Variants in TEP1 observed in about 807,000 individuals in gnomAD.
TEP1 encodes telomerase associated protein 1, also known as telomerase protein component 1.
Under a neutral mutation model 306.3 loss-of-function variants are expected in TEP1, and 241 were observed. That is an observed-to-expected ratio of 0.79 (90% confidence interval 0.71 to 0.88). The LOEUF is 0.88. Ranked by LOEUF, TEP1 falls within the 40% of genes least tolerant of loss-of-function variation. The pLI is 0.00. For missense variants in TEP1, 3,051 were observed against 3,276.1 expected (o/e 0.93, Z 1.68); for synonymous variants, 1,289 against 1,305.5 (o/e 0.99, Z 0.27).
At chr14:20,382,411 G>A in intron 28 of TEP1, 55 bp from the exon 29 acceptor site, 2 of 1,569,468 alleles carry the variant, frequency 1.3e-6, no homozygotes, top group Admixed American at 3.6e-5. Flanking sequence ...AAGCAGCTTG[G>A]CTTGTGGGAT....
Position 20,391,630 on chromosome 14 carries a change from T to C in TEP1, c.2066A>G (p.Asp689Gly). 1 of 1,614,118 alleles carries C rather than the reference T, an allele frequency of 6.2e-7. No individual in the cohort carries two copies. Among genetic ancestry groups the C allele is most frequent in the Non-Finnish European group, 8.5e-7 (1 of 1,179,996 alleles). ...TGGGTTGCTCTTTGGACAGAGCCTG[T>C]CTGCATTAGCATCTGTCAGATAGAC... ...VLVYLTDANA[D>G]RLCPKSNPQG... is the part of the protein sequence containing the mutation. The change falls in exon 13 of 55, where the codon GAC (aspartate) becomes GGC (glycine). Residue 689 changes from aspartate (D) to glycine (G), a missense_variant. By Grantham distance (94) the Asp-to-Gly change is moderately conservative. Transcript: ENST00000262715.
Position 20,381,243 on chromosome 14 carries a change from G to T in TEP1, c.4647+70C>A. The T allele has an allele frequency of 6.7e-7, 1 of 1,483,646 alleles. No homozygotes were observed. Among genetic ancestry groups the T allele is most frequent in the Non-Finnish European group, 9.4e-7 (1 of 1,061,800 alleles). 91.9% of individuals were successfully genotyped at this position (1,483,646 alleles called of 1,614,324 possible). A position where few individuals can be genotyped will look rare whatever the true frequency, so the allele number is the denominator to read the frequency against. The stretch of plus-strand genomic sequence containing the variant: ...CGGCGGTGATGGTGGAGATGGTAAC[G>T]GGGAGAGGGGTCTCAGAGCAACCAA... On this transcript the variant is annotated intron_variant, in intron 32 of 54. Coordinates refer to ENST00000262715, the MANE Select transcript of TEP1 (RefSeq NM_007110.5). This position sits in a 1 kb window ranked among gnomAD's most constrained non-coding sequence, Gnocchi z 4.0.
chr14:20,375,052 C>T lies in TEP1; in HGVS notation c.6364-516G>A, dbSNP rs899887768. ...ATTGCAGTGAGCAGAGATTGCGCCA[C>T]TGCACTCCAGCCTGGGCAACAAGAA... On this transcript the variant is annotated intron_variant, in intron 43 of 54. Transcript: ENST00000262715. Among the ~76,000 whole-genome samples the T allele has an allele frequency of 2.0e-5, 3 of 147,270 alleles. No homozygotes were observed. In the Admixed American group the frequency reaches 2.1e-4, roughly 10 times the overall value.
Position 20,389,175 on chromosome 14 carries a change from A to G in TEP1, c.2525+63T>C, listed in dbSNP as rs1877487050. Reference sequence around the variant, plus strand: ...AAAAAAAAAAAAGTGACTGGAGTAGAGATAATCTCCTAAAAACTTTCCAAC... The same window carrying G: ...AAAAAAAAAAAAGTGACTGGAGTAGGGATAATCTCCTAAAAACTTTCCAAC... On this transcript the variant is annotated intron_variant, in intron 17 of 54. Transcript: ENST00000262715. The G allele has an allele frequency of 5.5e-6, 8 of 1,443,308 alleles. No homozygotes were observed. In the Admixed American group the frequency reaches 1.2e-4, roughly 22 times the overall value. 89.4% of individuals were successfully genotyped at this position (1,443,308 alleles called of 1,614,324 possible).
At chr14:20,378,270 C>A (rs372394126) in intron 38 of TEP1, 34 bp from the exon 39 acceptor site, 112 of 1,613,108 alleles carry the variant, frequency 6.9e-5, no homozygotes, top group Non-Finnish European at 9.1e-5. Context: ...AACGTGAAGA[C>A]CTGCTCTCAG....
chr14:20,373,229 G>T (rs529445081), intron 47 of TEP1, 41 bp downstream of exon 47: 3 of 1,609,904 alleles, frequency 1.9e-6, no homozygotes, highest in African/African-American at 2.7e-5. Context: ...ACCTTTTTTT[G>T]TGCCAGTAAC....
chr14:20,377,510 A>G lies in TEP1; in HGVS notation c.5876-18T>C. 1 of 1,613,038 alleles carries G rather than the reference A, an allele frequency of 6.2e-7. No homozygotes were observed. The highest frequency in any genetic ancestry group is 8.5e-7 in the Non-Finnish European group (1 of 1,179,164). On this transcript the variant is annotated intron_variant, in intron 40 of 54. Coordinates refer to ENST00000262715, the MANE Select transcript of TEP1 (RefSeq NM_007110.5). Reference sequence around the variant, plus strand: ...CTGGGAACCTAGAGAATGAGAGAGAACAAGGGAGTAAGACACTTGGGAAGG... The same window carrying G: ...CTGGGAACCTAGAGAATGAGAGAGAGCAAGGGAGTAAGACACTTGGGAAGG...
At chr14:20,395,103 T>G (rs1453818470) in intron 12 of TEP1, among the ~76,000 whole-genome samples, 1 of 151,762 alleles carries the variant, frequency 6.6e-6, no homozygotes, top group Non-Finnish European at 1.5e-5. Context: ...AAAACAAACA[T>G]GTCACAGAAA....
chr14:20,384,603 C>A lies in TEP1; in HGVS notation c.3218G>T (p.Arg1073Leu), dbSNP rs151250357. 3.1e-6 allele frequency: 5 copies of A among 1,613,770 alleles called. No homozygotes were observed. Among genetic ancestry groups the A allele is most frequent in the Non-Finnish European group, 4.2e-6 (5 of 1,179,856 alleles). Residue 1073 changes from arginine (R) to leucine (L), a missense_variant, in exon 22 of 55, where the codon CGC becomes CTC. By Grantham distance (102) the Arg-to-Leu change is moderately radical. Coordinates refer to ENST00000262715, the MANE Select transcript of TEP1 (RefSeq NM_007110.5). ...CTCCCTACCTCCCTCAGCTCACCTG[C>A]GGCAGGTGATCCCTTTCTGTCTGCT... ...YLSRQKGITC[R>L]RYPCEWGGVA...
rs1444576946 is a variant in TEP1, at chr14:20,383,925, G to A, written c.3535-7C>T. ...GGGCTGACACAAGAGATGCCTGCAT[G>A]GGACAGGAACAGAAAACATGGTCAC... On this transcript the variant is annotated splice_region_variant and splice_polypyrimidine_tract_variant and intron_variant, in intron 24 of 54. Transcript: ENST00000262715. 6.3e-7 allele frequency: 1 copy of A among 1,598,298 alleles called. No homozygotes were observed. The highest frequency in any genetic ancestry group is 1.7e-5 in the Admixed American group (1 of 58,804).
Position 20,373,305 on chromosome 14 carries a change from C to A in TEP1, c.6779G>T (p.Gly2260Val). The change falls in exon 47 of 55, where the codon GGT becomes GTT. Residue 2260 changes from glycine (G) to valine (V), a missense_variant. Physicochemically the swap from Gly to Val is moderately radical, Grantham distance 109. Coordinates refer to ENST00000262715, the MANE Select transcript of TEP1 (RefSeq NM_007110.5). The part of the protein sequence containing the change: ...SGLMLTASED[G>V]SVRLWQVPKE... ...AGGAACCTGCCAGAGCCGTACAGAA[C>A]CATCCTCAGAGGCGGTCAGCATGAG... The A allele has an allele frequency of 6.2e-7, 1 of 1,614,204 alleles. No homozygotes were observed. The highest frequency in any genetic ancestry group is 1.7e-5 in the Admixed American group (1 of 60,024).
chr14:20,408,591 T>G, intron 1 of TEP1, 128 bp from the exon 2 acceptor site: 1 of 749,038 alleles, frequency 1.3e-6, no homozygotes, highest in Non-Finnish European at 2.1e-6. Flanking sequence ...ACCAATGTTG[T>G]TTTTCCCAGG....
intron 7 of TEP1, among the ~76,000 whole-genome samples, chr14:20,402,375 A>C (rs1878824704): frequency 6.6e-6 from 1 of 152,188 alleles, no homozygotes; most frequent in Admixed American, 6.5e-5. Context: ...AGAAGAACTA[A>C]ATTTAGGATA....
chr14:20,399,360 G>A (rs1316433882), intron 9 of TEP1, among the ~76,000 whole-genome samples: 3 of 152,024 alleles, frequency 2.0e-5, no homozygotes, highest in Admixed American at 1.3e-4. Context: ...TCATACTGGT[G>A]ATATTAGAAA....
Position 20,391,074 on chromosome 14 carries a change from A to C in TEP1, c.2120T>G (p.Leu707Arg). 1 of 1,614,180 alleles carries C rather than the reference A, an allele frequency of 6.2e-7. No individual in the cohort carries two copies. Among genetic ancestry groups the C allele is most frequent in the Non-Finnish European group, 8.5e-7 (1 of 1,180,034 alleles). Residue 707 changes from leucine (L) to arginine (R), a missense_variant, in exon 14 of 55, where the codon CTG becomes CGG. This residue lies in a region of TEP1 where 1,507 missense variants were observed against 1,550.5 expected (regional missense o/e 0.97). Coordinates refer to ENST00000262715, the MANE Select transcript of TEP1 (RefSeq NM_007110.5). ...CCTCGTGATCATCATCCCAATCAAC[A>C]GCAGTGCATAGTTCAGCGGGGGCTG... ...PQGPPLNYALLLIGMMITRAE... is the reference protein window; with the variant it reads ...PQGPPLNYALRLIGMMITRAE...
chr14:20,399,451 C>A (rs1445395259), intron 9 of TEP1, among the ~76,000 whole-genome samples: 3 of 151,756 alleles, frequency 2.0e-5, no homozygotes, highest in African/African-American at 7.3e-5. Flanking sequence ...TTAATGAGAT[C>A]TGTGGTCTTC....
chr14:20,403,843 G>A lies in TEP1; in HGVS notation c.1074C>T (p.Pro358=), dbSNP rs1285385514. The change falls in exon 6 of 55, where the codon CCC becomes CCT. Residue 358 remains proline, a synonymous_variant. Coordinates refer to ENST00000262715, the MANE Select transcript of TEP1 (RefSeq NM_007110.5). ...CCGTCATGGCAGTACGGAGACAGGC[G>A]GGCAGGGGCACCAGCTTATTCTTAT... The part of the protein sequence containing the change: ...EGDKNKLVPL[P]ACLRTAMTDK... 26 of 1,613,954 alleles carry A rather than the reference G, an allele frequency of 1.6e-5. No individual in the cohort carries two copies. Among genetic ancestry groups the A allele is most frequent in the South Asian group, 3.3e-5 (3 of 91,066 alleles).
intron 44 of TEP1, 60 bp from the exon 45 acceptor site, chr14:20,373,870 C>A: frequency 1.3e-6 from 2 of 1,579,238 alleles, no homozygotes; most frequent in Non-Finnish European, 1.7e-6. Context: ...GGAAACAGAA[C>A]TTCCTCCACA....
At position 20,369,352 on chromosome 14, in the gene TEP1, G is replaced by A. The variant is rs368683348; in HGVS notation, c.7648C>T (p.Arg2550Cys). 34 of 1,613,994 alleles carry A rather than the reference G, an allele frequency of 2.1e-5. No homozygotes were observed. The highest frequency in any genetic ancestry group is 9.3e-5 in the African/African-American group (7 of 74,990). Residue 2550 changes from arginine (R) to cysteine (C), a missense_variant, in exon 53 of 55, where the codon CGT becomes TGT. Arg to Cys is a radical substitution (Grantham distance 180). Transcript: ENST00000262715. Reference protein sequence around the residue: ...EPTPHLKTRQRRKIHSGSVTA... With the variant: ...EPTPHLKTRQCRKIHSGSVTA... ...CCTTCCTTCAAACTCACCTTTCTAC[G>A]CTGCCGTGTCTTTAGATGTGGTGTT...
Sources: allele counts gnomAD v4.1 joint callset (sites outside exome capture counted in the v4.1 genomes callset), GRCh38; gene constraint gnomAD v4.1.1; regional missense constraint gnomAD v4.1.1; non-coding constraint Gnocchi (gnomAD v3.1); transcripts MANE v1.5; gene names NCBI Gene and HGNC (gene_info 2026-07-23, HGNC 2026-07-21).